The following RIMS2 variants were observed in gnomAD, a reference collection of about 807,000 sequenced individuals.
RIMS2 encodes the protein regulating synaptic membrane exocytosis protein 2.
Under a neutral mutation model 174.4 loss-of-function variants are expected in RIMS2, and 59 were observed. The ratio of observed to expected loss-of-function variants is 0.34; its 90% confidence interval spans 0.27 to 0.42. The LOEUF (loss-of-function observed/expected upper bound fraction) is 0.42. Ranked by LOEUF, RIMS2 falls within the 10% of genes least tolerant of loss-of-function variation. The pLI is 1.00. For synonymous variants in RIMS2, 606 were observed against 572.5 expected (o/e 1.06, Z -0.84); for missense variants, 1,620 against 1,666.3 (o/e 0.97, Z 0.48).
chr8:103,945,793 G>A (rs1167033614), intron 14 of RIMS2, among the ~76,000 whole-genome samples: 1 of 150,554 alleles, frequency 6.6e-6, no homozygotes, highest in Non-Finnish European at 1.5e-5. Flanking sequence ...AACACAGTAG[G>A]CCTAGAAGAG....
intron 17 of RIMS2, 42 bp from the exon 20 acceptor site, chr8:104,013,400 G>T (rs1367951598): frequency 6.5e-7 from 1 of 1,531,180 alleles, no homozygotes; most frequent in Admixed American, 1.7e-5. Flanking sequence ...TAGCAGAAGG[G>T]CACTAAAGAT....
At position 103,960,204 on chromosome 8, in the gene RIMS2, A is replaced by G. The variant is rs967602248; in HGVS notation, c.2702-861A>G. ...AAAACAAATAACAACGTTTGTTTTT[A>G]TATGCAATAATTTCATATATAAGCG... is the stretch of plus-strand genomic sequence containing the variant. On this transcript the variant is annotated intron_variant, in intron 14 of 23. Transcript: ENST00000504942. 2.6e-5 allele frequency among the ~76,000 whole-genome samples: 4 copies of G among 152,218 alleles called. 1 individual carries two copies. The highest frequency in any genetic ancestry group is 5.9e-5 in the Non-Finnish European group (4 of 68,034).
rs1274268153 is a variant in RIMS2, at chr8:103,523,507, C to T, written c.176+22445C>T. Among the ~76,000 whole-genome samples, 3 of 151,886 alleles carry T rather than the reference C, an allele frequency of 2.0e-5. No individual in the cohort carries two copies. The East Asian group carries it at 5.8e-4, about 29-fold the overall frequency. On this transcript the variant is annotated intron_variant, in intron 1 of 23. Transcript: ENST00000504942. ...GAAAGTAGATAAGTTGAAAATGGAC[C>T]AGTAGGTTGGGGCAGGATTAGGCAG...
intron 1 of RIMS2, among the ~76,000 whole-genome samples, chr8:103,626,277 A>G (rs17807953): frequency 0.065 from 9,925 of 152,250 alleles, 401 homozygotes; most frequent in South Asian, 0.087. Context: ...AAGCATGGTT[A>G]CAAAGCTGTC....
At chr8:103,882,797 G>A (rs1359209301) in intron 3 of RIMS2, among the ~76,000 whole-genome samples, 1 of 151,446 alleles carries the variant, frequency 6.6e-6, no homozygotes, top group Non-Finnish European at 1.5e-5. Context: ...TCCATAATAG[G>A]AAGTAAATAT....
chr8:103,996,944 G>A (rs1310390230), intron 17 of RIMS2, among the ~76,000 whole-genome samples: 1 of 151,740 alleles, frequency 6.6e-6, no homozygotes, highest in African/African-American at 2.4e-5. Flanking sequence ...AACCAAAAAA[G>A]GAGAGAGTAT....
At chr8:103,789,576 G>A (rs1040949575) in intron 3 of RIMS2, among the ~76,000 whole-genome samples, 1 of 152,120 alleles carries the variant, frequency 6.6e-6, no homozygotes, top group Admixed American at 6.5e-5. Flanking sequence ...TTCAAGGGGA[G>A]GGATGATGAC....
chr8:103,910,878 G>A (rs1283995588), intron 5 of RIMS2, among the ~76,000 whole-genome samples: 1 of 152,176 alleles, frequency 6.6e-6, no homozygotes, highest in Admixed American at 6.5e-5. Context: ...TTATTTGATT[G>A]TTTGCATATA....
At position 103,520,251 on chromosome 8, in the gene RIMS2, C is replaced by G. The variant is rs79100151; in HGVS notation, c.176+19189C>G. Among the ~76,000 whole-genome samples the G allele has an allele frequency of 6.4e-3, 976 of 152,220 alleles. 11 individuals carry two copies. Among genetic ancestry groups the G allele is most frequent in the African/African-American group, 0.022 (907 of 41,544 alleles). On this transcript the variant is annotated intron_variant, in intron 1 of 23. Transcript: ENST00000504942. ...ATAAATGTTAAAAGGAAAACAGATA[C>G]TATGAATTTTAGGCTACTTTTTCTG...
chr8:103,881,547 G>C (rs2099167321), intron 3 of RIMS2, among the ~76,000 whole-genome samples: 1 of 151,544 alleles, frequency 6.6e-6, no homozygotes, highest in South Asian at 2.1e-4. Flanking sequence ...TTTCCCATCA[G>C]TCAGTATGCT....
intron 11 of RIMS2, among the ~76,000 whole-genome samples, chr8:103,928,849 T>A (rs1441298626): frequency 6.6e-6 from 1 of 151,494 alleles, no homozygotes; most frequent in African/African-American, 2.4e-5. Flanking sequence ...AGGACCAGAA[T>A]TGTGAAGATA....
chr8:103,864,265 G>A (rs2099074274), intron 3 of RIMS2, among the ~76,000 whole-genome samples: 1 of 151,994 alleles, frequency 6.6e-6, no homozygotes, highest in Non-Finnish European at 1.5e-5. Context: ...GGTGTCACAT[G>A]AGGTTGTTAG....
chr8:103,729,608 G>T (rs1048680994), intron 2 of RIMS2, among the ~76,000 whole-genome samples: 1 of 151,546 alleles, frequency 6.6e-6, no homozygotes, highest in Non-Finnish European at 1.5e-5. Flanking sequence ...CTTATTTTGG[G>T]TTTGGTTTTC....
chr8:103,528,473 A>G (rs968482264), intron 1 of RIMS2, among the ~76,000 whole-genome samples: 6 of 152,156 alleles, frequency 3.9e-5, no homozygotes, highest in East Asian at 1.9e-4. Context: ...GCCCATGCCT[A>G]TGTCCTGAAT....
At chr8:104,199,654 A>T (rs188981091) in intron 19 of RIMS2, among the ~76,000 whole-genome samples, 1 of 152,304 alleles carries the variant, frequency 6.6e-6, no homozygotes, top group Admixed American at 6.5e-5. Context: ...GGTTCAGGGG[A>T]TTCAGAGAGC....
intron 2 of RIMS2, among the ~76,000 whole-genome samples, chr8:103,722,006 A>T (rs1347273210): frequency 1.3e-5 from 2 of 152,118 alleles, no homozygotes; most frequent in Non-Finnish European, 2.9e-5. Flanking sequence ...GAAGGCAATG[A>T]TTTTATGAAG....
chr8:103,884,580 G>T (rs1461591205), intron 3 of RIMS2, among the ~76,000 whole-genome samples: 1 of 151,820 alleles, frequency 6.6e-6, no homozygotes, highest in African/African-American at 2.4e-5. Context: ...GTCAGATGTG[G>T]AGACTTAGTA....
chr8:103,855,095 G>A (rs988425658), intron 3 of RIMS2, among the ~76,000 whole-genome samples: 8 of 151,668 alleles, frequency 5.3e-5, no homozygotes, highest in Non-Finnish European at 8.8e-5. Context: ...GGGAGATTGT[G>A]TTTTTCCAGG....
intron 19 of RIMS2, among the ~76,000 whole-genome samples, chr8:104,203,537 T>A (rs1055883335): frequency 2.1e-5 from 3 of 139,572 alleles, no homozygotes; most frequent in African/African-American, 8.1e-5. Flanking sequence ...GGAGCCTCGC[T>A]CTGTCACCCA....
Sources: gnomAD v4.1 joint callset for allele counts (sites outside exome capture counted in the v4.1 genomes callset) on GRCh38, gnomAD v4.1.1 for gene constraint, MANE v1.5 for transcripts, NCBI Gene and HGNC (gene_info 2026-07-23, HGNC 2026-07-21) for gene names.